AKAP9: variants seen among roughly 807,000 people sequenced by gnomAD.
AKAP9 encodes A-kinase anchoring protein 9, also known as A-kinase anchor protein 9.
In AKAP9, 311 loss-of-function variants were observed where a neutral mutation model predicts 488.5. The ratio of observed to expected loss-of-function variants is 0.64; its 90% CI spans 0.58 to 0.70. The LOEUF (loss-of-function observed/expected upper bound fraction) is 0.70, where lower values mean the gene tolerates loss of function less well. Ranked by LOEUF, AKAP9 falls within the 30% of genes least tolerant of loss-of-function variation. The pLI, the probability that AKAP9 is intolerant of heterozygous loss-of-function variation, is 0.00. For synonymous variants in AKAP9, 1,462 were observed against 1,483.5 expected (o/e 0.99, Z 0.33); for missense variants, 4,215 against 4,374.5 (o/e 0.96, Z 1.03).
intron 38 of AKAP9, among the ~76,000 whole-genome samples, chr7:92,091,419 C>G (rs1393122108): frequency 1.3e-5 from 2 of 151,902 alleles, no homozygotes; most frequent in African/African-American, 2.4e-5. Context: ...AACCCCATCT[C>G]TACTAAAAAT....
intron 22 of AKAP9, among the ~76,000 whole-genome samples, chr7:92,056,926 T>C (rs527285011): frequency 2.0e-5 from 3 of 152,124 alleles, no homozygotes; most frequent in African/African-American, 7.2e-5. Context: ...TAAAACAACT[T>C]TCATTATTGA....
intron 8 of AKAP9, among the ~76,000 whole-genome samples, chr7:92,010,633 A>G (rs1371816483): frequency 6.6e-6 from 1 of 152,196 alleles, no homozygotes; most frequent in Non-Finnish European, 1.5e-5. Context: ...TGCTGGGATT[A>G]CAGGAGTGAG....
chr7:92,039,179 C>T (rs999816977), intron 17 of AKAP9, among the ~76,000 whole-genome samples: 1 of 152,192 alleles, frequency 6.6e-6, no homozygotes, highest in Non-Finnish European at 1.5e-5. Flanking sequence ...GCTGGGATTA[C>T]AGGCATGAGC....
intron 21 of AKAP9, among the ~76,000 whole-genome samples, chr7:92,050,104 G>T (rs1026095756): frequency 7.3e-6 from 1 of 137,704 alleles, no homozygotes; most frequent in African/African-American, 2.7e-5. Flanking sequence ...TTGCTCTATC[G>T]CCCAGGCGGG....
At chr7:92,086,496 T>C (rs963206307) in intron 37 of AKAP9, 80 bp downstream of exon 37, 24 of 1,211,108 alleles carry the variant, frequency 2.0e-5, no homozygotes, top group Non-Finnish European at 2.5e-5. Context: ...AATTTAAGTA[T>C]GAAGGTTAAG....
rs149829152 is a variant in AKAP9, at chr7:92,089,696, G to A, written c.9358+167G>A. The A allele has an allele frequency of 1.4e-3, 1,076 of 793,278 alleles. 1 individual carries two copies. Among genetic ancestry groups the A allele is most frequent in the Middle Eastern group, 2.7e-3 (7 of 2,564 alleles). The allele number at this position is 793,278 out of a possible 1,614,324, so 49.1% of individuals were successfully genotyped here. A position where few individuals can be genotyped will look rare whatever the true frequency, so the allele number is the denominator to read the frequency against. ...ATATTAATTACTCTAGGGGTTAGAG[G>A]ATTGTCTAATTGGTTTAAACAGCTA... On this transcript the variant is annotated intron_variant, in intron 38 of 49. Coordinates refer to ENST00000356239, the MANE Select transcript of AKAP9 (RefSeq NM_005751.5).
chr7:92,021,525 C>T (rs1235035447), intron 12 of AKAP9, among the ~76,000 whole-genome samples: 4 of 152,010 alleles, frequency 2.6e-5, no homozygotes, highest in Non-Finnish European at 5.9e-5. Context: ...TGCAACTTCC[C>T]CTTCCCAGGT....
At chr7:92,054,254 G>A (rs1808414809) in intron 22 of AKAP9, among the ~76,000 whole-genome samples, 3 of 151,952 alleles carry the variant, frequency 2.0e-5, no homozygotes, top group South Asian at 4.1e-4. Context: ...ACAGAATAAT[G>A]TGTAATATCT....
At chr7:92,096,538 T>C in intron 40 of AKAP9, 151 bp from the exon 41 acceptor site, 4 of 785,810 alleles carry the variant, frequency 5.1e-6, no homozygotes, top group Non-Finnish European at 7.9e-6. Flanking sequence ...GGTTTCACCA[T>C]GTTGGCCAGG....
chr7:92,070,308 C>T, intron 27 of AKAP9, 102 bp downstream of exon 27: 1 of 1,255,888 alleles, frequency 8.0e-7, no homozygotes, highest in East Asian at 2.4e-5. Flanking sequence ...GTTTATATCT[C>T]TGTTGACATT....
At position 92,038,814 on chromosome 7, in the gene AKAP9, T is replaced by G. The variant is rs752940965; in HGVS notation, c.4692+42T>G. 12 of 1,375,896 alleles carry G rather than the reference T, an allele frequency of 8.7e-6. No homozygotes were observed. In the Admixed American group the frequency reaches 1.9e-4, roughly 22 times the overall value. 85.2% of individuals were successfully genotyped at this position (1,375,896 alleles called of 1,614,324 possible). A position where few individuals can be genotyped will look rare whatever the true frequency, so the allele number is the denominator to read the frequency against. On this transcript the variant is annotated intron_variant, in intron 17 of 49. Coordinates refer to ENST00000356239, the MANE Select transcript of AKAP9 (RefSeq NM_005751.5). ...GAATATAAAAAACTTATTTAAAAAT[T>G]GTGAATTCTTTCACTTTAAAAATAT...
chr7:91,993,662 A>G (rs1264651891), intron 5 of AKAP9, among the ~76,000 whole-genome samples: 1 of 152,222 alleles, frequency 6.6e-6, no homozygotes, highest in African/African-American at 2.4e-5. Flanking sequence ...CATTGCATAA[A>G]CAACCCTGTT....
At chr7:92,064,452 T>TA (rs1810426914) in intron 24 of AKAP9, among the ~76,000 whole-genome samples, 1 of 152,180 alleles carries the variant, frequency 6.6e-6, no homozygotes, top group Admixed American at 6.6e-5. Context: ...CACTCTTCTT[T>TA]ACATGTATTA....
intron 7 of AKAP9, among the ~76,000 whole-genome samples, chr7:91,998,395 A>ATAGTGTATT (rs2130654291): frequency 8.0e-6 from 1 of 125,420 alleles, no homozygotes; most frequent in East Asian, 2.4e-4. Context: ...TTTCCAAAAG[A>ATAGTGTATT]TAGTGTATTC....
chr7:92,090,439 A>G (rs28708464), intron 38 of AKAP9: 61,302 of 152,004 alleles, frequency 0.4, 12,698 homozygotes, highest in African/African-American at 0.47. Flanking sequence ...CCTAGCCAAA[A>G]TGGTGAAACC....
chr7:92,098,993 C>T (rs564676631), intron 43 of AKAP9, among the ~76,000 whole-genome samples: 115 of 152,212 alleles, frequency 7.6e-4, no homozygotes, highest in Middle Eastern at 3.4e-3. Context: ...CCATAGTGAC[C>T]CCTTAGGAAC....
At chr7:92,108,135 G>A (rs1192810840) in intron 48 of AKAP9, among the ~76,000 whole-genome samples, 1 of 152,130 alleles carries the variant, frequency 6.6e-6, no homozygotes, top group Non-Finnish European at 1.5e-5. Context: ...AGCTGACCAA[G>A]TGTTATTTAG....
intron 7 of AKAP9, among the ~76,000 whole-genome samples, chr7:92,000,291 A>G (rs539335762): frequency 6.6e-6 from 1 of 152,340 alleles, no homozygotes; most frequent in African/African-American, 2.4e-5. Flanking sequence ...TAAGCATTGC[A>G]TATCTCTAAA....
intron 26 of AKAP9, among the ~76,000 whole-genome samples, chr7:92,069,155 T>C (rs1349138871): frequency 1.3e-5 from 2 of 152,228 alleles, no homozygotes; most frequent in African/African-American, 4.8e-5. Context: ...GCTGATGGAA[T>C]GTATAGATTG....
Sources: allele counts gnomAD v4.1 joint callset (sites outside exome capture counted in the v4.1 genomes callset), GRCh38; gene constraint gnomAD v4.1.1; transcripts MANE v1.5; gene names NCBI Gene and HGNC (gene_info 2026-07-23, HGNC 2026-07-21).